TJP1: variants seen among roughly 807,000 people sequenced by gnomAD.
The protein encoded by TJP1 is tight junction protein ZO-1.
In TJP1, 43 loss-of-function variants were observed where a neutral mutation model predicts 194.2. That is an observed-to-expected ratio of 0.22 (90% confidence interval 0.17 to 0.29). The LOEUF (loss-of-function observed/expected upper bound fraction) is 0.29. Among genes scored for constraint, TJP1 ranks in the 10% least tolerant of loss-of-function variants. The pLI is 1.00. For missense variants in TJP1, 1,971 were observed against 2,185.7 expected (o/e 0.90, Z 1.96); for synonymous variants, 801 against 779.0 (o/e 1.03, Z -0.47).
At chr15:29,864,235 T>TAAAAAAAAAAA (rs2052211742) in intron 2 of TJP1, among the ~76,000 whole-genome samples, 1 of 3,138 alleles carries the variant, frequency 3.2e-4, no homozygotes, top group East Asian at 7.2e-3. Flanking sequence ...CTACTAAAAA[T>TAAAAAAAAAAA]ACAAAAAAAA....
At chr15:29,735,588 G>GAAAA (rs79594334) in intron 11 of TJP1, among the ~76,000 whole-genome samples, 14 of 91,526 alleles carry the variant, frequency 1.5e-4, no homozygotes, top group African/African-American at 1.3e-4. Context: ...CTGTCTCAAG[G>GAAAA]AAAAAAAAAA....
At chr15:29,896,696 C>T (rs918530508) in intron 2 of TJP1, among the ~76,000 whole-genome samples, 3 of 152,146 alleles carry the variant, frequency 2.0e-5, no homozygotes, top group Admixed American at 2.0e-4. Context: ...CAATAAGGTC[C>T]AGGCTGAAGT....
At chr15:29,804,136 C>T (rs2048968687) in intron 1 of TJP1, among the ~76,000 whole-genome samples, 1 of 152,050 alleles carries the variant, frequency 6.6e-6, no homozygotes, top group African/African-American at 2.4e-5. Context: ...GCAAAAGTAG[C>T]AAATTCTATC....
chr15:29,940,301 C>T (rs946091696), intron 2 of TJP1, among the ~76,000 whole-genome samples: 1 of 152,168 alleles, frequency 6.6e-6, no homozygotes, highest in Admixed American at 6.5e-5. Flanking sequence ...AGAGCGTGTG[C>T]CCATGTCACA....
At chr15:29,949,438 C>T (rs1263796579) in intron 2 of TJP1, among the ~76,000 whole-genome samples, 18 of 146,608 alleles carry the variant, frequency 1.2e-4, no homozygotes, top group Admixed American at 6.9e-4. Context: ...CCACCACCTC[C>T]ACCTCCACCT....
At position 29,708,807 on chromosome 15, in the gene TJP1, A is replaced by G; in HGVS notation, c.4602T>C (p.Ser1534=). 3 of 1,614,202 alleles carry G rather than the reference A, an allele frequency of 1.9e-6. No homozygotes were observed. Among genetic ancestry groups the G allele is most frequent in the Non-Finnish European group, 2.5e-6 (3 of 1,180,036 alleles). ...YNRFTPKPYT[S]SARPFERKFE... ...ACTTGCGTTCAAATGGTCGGGCAGA[A>G]CTTGTATATGGTTTTGGTGTGAATC... Residue 1534 remains serine (S), a synonymous_variant, in exon 25 of 28, where the codon AGT becomes AGC. Coordinates refer to ENST00000614355, the MANE Select transcript of TJP1 (RefSeq NM_001330239.4).
chr15:29,908,641 A>G (rs1189962063), intron 2 of TJP1, among the ~76,000 whole-genome samples: 2 of 151,988 alleles, frequency 1.3e-5, no homozygotes, highest in African/African-American at 4.8e-5. Flanking sequence ...AGCAGACGCC[A>G]GTTATGGCAA....
chr15:29,916,306 T>C (rs2054184796), intron 2 of TJP1, among the ~76,000 whole-genome samples: 1 of 151,288 alleles, frequency 6.6e-6, no homozygotes, highest in Non-Finnish European at 1.5e-5. Context: ...TATATTAGTA[T>C]ATAATATATC....
upstream of TJP1, among the ~76,000 whole-genome samples, chr15:29,825,234 A>G (rs1440600301): frequency 6.6e-6 from 1 of 152,208 alleles, no homozygotes; most frequent in Non-Finnish European, 1.5e-5. Flanking sequence ...TATCCATGGA[A>G]CACCAAAAAA....
intron 2 of TJP1, among the ~76,000 whole-genome samples, chr15:29,784,037 C>G (rs747056329): frequency 3.3e-5 from 5 of 151,634 alleles, no homozygotes; most frequent in Non-Finnish European, 7.4e-5. Context: ...ATTACAAACA[C>G]TAAAGACAAG....
intron 2 of TJP1, among the ~76,000 whole-genome samples, chr15:29,854,675 G>A (rs2051777102): frequency 6.6e-6 from 1 of 152,150 alleles, no homozygotes; most frequent in African/African-American, 2.4e-5. Flanking sequence ...CCAAGTGTGT[G>A]GTGATTTAGG....
At chr15:29,802,436 AGAG>A (rs2048848444) in intron 1 of TJP1, among the ~76,000 whole-genome samples, 3 of 152,114 alleles carry the variant, frequency 2.0e-5, no homozygotes, top group Admixed American at 1.3e-4. Flanking sequence ...GATGAATAAG[AGAG>A]GAGAGAGAAA....
At chr15:29,884,387 T>C (rs2053043878) in intron 2 of TJP1, among the ~76,000 whole-genome samples, 1 of 152,096 alleles carries the variant, frequency 6.6e-6, no homozygotes, top group Non-Finnish European at 1.5e-5. Context: ...AGCCCAGACA[T>C]CTACAGTGTT....
At chr15:29,800,587 T>A in intron 2 of TJP1, 59 bp downstream of exon 2, 1 of 1,566,460 alleles carries the variant, frequency 6.4e-7, no homozygotes, top group South Asian at 1.2e-5. Flanking sequence ...CCTCTATTGT[T>A]TTCAAAGCTG....
chr15:29,920,657 T>TTA (rs1164696924), intron 2 of TJP1, among the ~76,000 whole-genome samples: 2 of 152,102 alleles, frequency 1.3e-5, no homozygotes, highest in African/African-American at 4.8e-5. Context: ...GGGGCGAAGG[T>TTA]GCTGAGTGGG....
At chr15:29,752,090 G>A (rs902979058) in intron 8 of TJP1, among the ~76,000 whole-genome samples, 2 of 150,742 alleles carry the variant, frequency 1.3e-5, no homozygotes, top group Non-Finnish European at 3.0e-5. Flanking sequence ...CACCACGCCC[G>A]GCTAAATACA....
intron 2 of TJP1, among the ~76,000 whole-genome samples, chr15:29,864,113 G>A (rs2052203444): frequency 6.6e-6 from 1 of 151,814 alleles, no homozygotes. Context: ...GTTGTACCCG[G>A]CCGGGCGCGG....
chr15:29,755,937 T>C (rs1321849058), intron 8 of TJP1, among the ~76,000 whole-genome samples: 1 of 152,124 alleles, frequency 6.6e-6, no homozygotes, highest in Non-Finnish European at 1.5e-5. Context: ...CTCACTTTTA[T>C]AAAAATTTAT....
chr15:29,958,935 GC>G (rs2152317205), intron 1 of TJP1, among the ~76,000 whole-genome samples: 1 of 151,262 alleles, frequency 6.6e-6, no homozygotes, highest in South Asian at 2.1e-4. Flanking sequence ...TGTGAATTCA[GC>G]CATTGTCTTT....
Sources: allele counts gnomAD v4.1 joint callset (sites outside exome capture counted in the v4.1 genomes callset), GRCh38; gene constraint gnomAD v4.1.1; transcripts MANE v1.5; gene names NCBI Gene and HGNC (gene_info 2026-07-23, HGNC 2026-07-21).